Variants in COP1 observed in about 807,000 individuals in gnomAD.
The protein encoded by COP1 is E3 ubiquitin-protein ligase COP1.
In COP1, 24 loss-of-function variants were observed where a neutral mutation model predicts 101.3. The ratio of observed to expected loss-of-function variants is 0.24; its 90% CI spans 0.17 to 0.33. The LOEUF is 0.33. Ranked by LOEUF, COP1 falls within the 10% of genes least tolerant of loss-of-function variation. The pLI is 1.00. For missense variants in COP1, 663 were observed against 906.2 expected, an observed-to-expected ratio of 0.73 and a Z score of 3.45; for synonymous variants, 347 against 341.9, an observed-to-expected ratio of 1.01 and a Z score of -0.17.
chr1:176,163,751 T>C (rs1391998045), intron 4 of COP1, 64 bp downstream of exon 4: 9 of 1,040,234 alleles, frequency 8.7e-6, no homozygotes, highest in Non-Finnish European at 1.3e-5. Context: ...ATCTAACTAA[T>C]ATTAAACCAA....
At chr1:176,004,080 T>TG in intron 15 of COP1, among the ~76,000 whole-genome samples, 1 of 148,718 alleles carries the variant, frequency 6.7e-6, no homozygotes, top group Non-Finnish European at 1.5e-5. Flanking sequence ...CCTTGTAAGT[T>TG]GGATTCCTAG....
intron 1 of COP1, among the ~76,000 whole-genome samples, chr1:176,198,433 C>T (rs1029397001): frequency 1.3e-5 from 2 of 152,080 alleles, no homozygotes; most frequent in Non-Finnish European, 1.5e-5. Context: ...GCCTTCAACC[C>T]TTACCAAACA....
At chr1:176,134,000 C>T (rs1689388891) in intron 8 of COP1, 1 of 389,704 alleles carries the variant, frequency 2.6e-6, no homozygotes, top group Non-Finnish European at 5.1e-6. Flanking sequence ...TAAAATAACA[C>T]CAGAATTAAC....
At chr1:176,151,231 G>A (rs532765977) in intron 5 of COP1, among the ~76,000 whole-genome samples, 2 of 136,664 alleles carry the variant, frequency 1.5e-5, no homozygotes, top group South Asian at 4.7e-4. Context: ...AGAATAAAGA[G>A]AAATGTATTT....
chr1:176,127,821 A>T (rs899469177), intron 8 of COP1, among the ~76,000 whole-genome samples: 3 of 152,044 alleles, frequency 2.0e-5, no homozygotes, highest in Non-Finnish European at 2.9e-5. Flanking sequence ...AACCTCCATA[A>T]TGTCTTCCAA....
intron 18 of COP1, among the ~76,000 whole-genome samples, chr1:175,980,621 C>T (rs977239063): frequency 7.2e-5 from 11 of 151,884 alleles, no homozygotes; most frequent in African/African-American, 2.4e-4. Context: ...GCTACAGAAA[C>T]TTTTAATATG....
chr1:175,992,126 T>A (rs1658668483), intron 15 of COP1, among the ~76,000 whole-genome samples: 1 of 152,254 alleles, frequency 6.6e-6, no homozygotes, highest in African/African-American at 2.4e-5. Flanking sequence ...TTATGTGGAA[T>A]ATGAGATGTT....
At chr1:176,154,397 A>T (rs570080965) in intron 5 of COP1, among the ~76,000 whole-genome samples, 2 of 152,340 alleles carry the variant, frequency 1.3e-5, no homozygotes, top group East Asian at 1.9e-4. Flanking sequence ...CTAAATGCCC[A>T]TTAATGGTAG....
intron 11 of COP1, among the ~76,000 whole-genome samples, chr1:176,049,438 T>A (rs1486636603): frequency 6.6e-6 from 1 of 152,062 alleles, no homozygotes; most frequent in African/African-American, 2.4e-5. Flanking sequence ...AGTATGTTTT[T>A]AAAAATATTT....
intron 9 of COP1, among the ~76,000 whole-genome samples, chr1:176,105,743 G>A (rs192071694): frequency 2.1e-4 from 32 of 152,180 alleles, no homozygotes; most frequent in Non-Finnish European, 4.1e-4. Flanking sequence ...TTGTTTTGGC[G>A]CAAAACACAT....
intron 18 of COP1, among the ~76,000 whole-genome samples, chr1:175,954,666 T>C (rs1043732494): frequency 2.6e-5 from 4 of 152,062 alleles, no homozygotes; most frequent in African/African-American, 9.7e-5. Flanking sequence ...CTATGAAAGA[T>C]ACAAATTCCC....
In COP1 at chr1:176,165,395, T is replaced by TGTGTGTGG. The variant is rs1553302030; in HGVS notation, c.566-1505_566-1504insCCACACAC. 1.3e-3 allele frequency among the ~76,000 whole-genome samples: 184 copies of TGTGTGTGG among 142,708 alleles called. 18 individuals are homozygous for TGTGTGTGG. Among genetic ancestry groups the TGTGTGTGG allele is most frequent in the Middle Eastern group, 7.1e-3 (2 of 282 alleles). The allele number at this position is 142,708 out of a possible 152,430, so 93.6% of individuals were successfully genotyped here. On this transcript the variant is annotated intron_variant, in intron 3 of 19. Transcript: ENST00000367669. Reference sequence around the variant, plus strand: ...GTGTGTGTGTGTGTGTGTGTGTGTGTGTGTGTGTGTGTAGGAGATACAACG... The same window carrying TGTGTGTGG: ...GTGTGTGTGTGTGTGTGTGTGTGTGTGTGTGTGGGTGTGTGTGTGTAGGAGATACAACG...
At chr1:176,010,193 C>T (rs1412995019) in intron 15 of COP1, among the ~76,000 whole-genome samples, 3 of 152,106 alleles carry the variant, frequency 2.0e-5, no homozygotes, top group Non-Finnish European at 4.4e-5. Flanking sequence ...CCCCCTGTAC[C>T]GCTGAACCAC....
chr1:175,963,973 G>A (rs927210547), intron 18 of COP1, among the ~76,000 whole-genome samples: 1 of 152,114 alleles, frequency 6.6e-6, no homozygotes, highest in Non-Finnish European at 1.5e-5. Flanking sequence ...ATGTGGATTC[G>A]TATATAAAAT....
chr1:176,051,445 C>T (rs1390708633), intron 11 of COP1, among the ~76,000 whole-genome samples: 1 of 152,172 alleles, frequency 6.6e-6, no homozygotes, highest in Non-Finnish European at 1.5e-5. Context: ...ACCTACCATG[C>T]TGCCAGTTGT....
At chr1:176,051,295 A>G (rs1340071267) in intron 11 of COP1, among the ~76,000 whole-genome samples, 1 of 152,220 alleles carries the variant, frequency 6.6e-6, no homozygotes, top group Non-Finnish European at 1.5e-5. Context: ...AAGATGTTAA[A>G]AAAAACACAT....
At chr1:176,200,705 ATGT>A (rs1700178346) in intron 1 of COP1, among the ~76,000 whole-genome samples, 1 of 152,198 alleles carries the variant, frequency 6.6e-6, no homozygotes, top group Admixed American at 6.5e-5. Context: ...AAAGAAAAAC[ATGT>A]TACTCTCAGT....
intron 9 of COP1, among the ~76,000 whole-genome samples, chr1:176,110,074 A>T (rs558395142): frequency 6.6e-6 from 1 of 152,218 alleles, no homozygotes; most frequent in African/African-American, 2.4e-5. Context: ...ACTCTTTTCT[A>T]GACTGCCTGT....
At chr1:176,072,411 T>G (rs1340681361) in intron 11 of COP1, among the ~76,000 whole-genome samples, 1 of 152,168 alleles carries the variant, frequency 6.6e-6, no homozygotes, top group Non-Finnish European at 1.5e-5. Flanking sequence ...TCTCTCAGCC[T>G]AAAACACAGC....
Sources: allele counts gnomAD v4.1 joint callset (sites outside exome capture counted in the v4.1 genomes callset), GRCh38; gene constraint gnomAD v4.1.1; transcripts MANE v1.5; gene names NCBI Gene and HGNC (gene_info 2026-07-23, HGNC 2026-07-21).